Variants in ZBBX observed in about 807,000 individuals in gnomAD.
ZBBX encodes zinc finger B-box domain-containing protein 1.
In ZBBX, 101 loss-of-function variants were observed where a neutral mutation model predicts 108.5. That is an observed-to-expected ratio of 0.93 (90% confidence interval 0.79 to 1.10). The LOEUF is 1.10. Ranked by LOEUF, ZBBX falls within the 50% of genes least tolerant of loss-of-function variation. The pLI is 0.00. For synonymous variants in ZBBX, 356 were observed against 323.4 expected (o/e 1.10, Z -1.08); for missense variants, 1,009 against 941.4 (o/e 1.07, Z -0.94).
At chr3:167,203,995 T>C in the ZBBX span, among the ~76,000 whole-genome samples, 2 of 152,018 alleles carry the variant, frequency 1.3e-5, no homozygotes, top group Non-Finnish European at 1.5e-5. Context: ...TGTCAAAAGA[T>C]AAGACACTAA....
intron 18 of ZBBX, among the ~76,000 whole-genome samples, chr3:167,296,407 A>C (rs1731700289): frequency 6.6e-6 from 1 of 152,106 alleles, no homozygotes. Flanking sequence ...AAAAGAAATA[A>C]AAGACATTTG....
chr3:167,242,697 A>T, intron 20 of ZBBX, 54 bp from the exon 21 acceptor site: 1 of 1,523,276 alleles, frequency 6.6e-7, no homozygotes, highest in Non-Finnish European at 8.9e-7. Context: ...AAACAAATAT[A>T]CAGCATATGG....
intron 17 of ZBBX, among the ~76,000 whole-genome samples, chr3:167,304,909 A>T (rs1560098068): frequency 1.2e-5 from 1 of 85,192 alleles, no homozygotes; most frequent in Non-Finnish European, 3.3e-5. Flanking sequence ...TCCTCCAAGC[A>T]GAAGTAGCAG....
At chr3:167,361,313 C>T (rs2108545023) in intron 6 of ZBBX, among the ~76,000 whole-genome samples, 1 of 152,194 alleles carries the variant, frequency 6.6e-6, no homozygotes, top group Admixed American at 6.6e-5. Context: ...TAAATCATCA[C>T]TTAAAATTTT....
chr3:167,316,810 C>A (rs1353882729), intron 14 of ZBBX, among the ~76,000 whole-genome samples, 195 bp downstream of exon 14: 2 of 152,004 alleles, frequency 1.3e-5, no homozygotes, highest in East Asian at 3.8e-4. Context: ...GTTTAGCTCA[C>A]AAATTTACTG....
the ZBBX span, among the ~76,000 whole-genome samples, chr3:167,202,827 A>G: frequency 0.18 from 28,081 of 152,008 alleles, 3,033 homozygotes; most frequent in Non-Finnish European, 0.25. Flanking sequence ...CAGATTATCA[A>G]CCCAATAGCT....
At chr3:167,230,060 C>A in the ZBBX span, among the ~76,000 whole-genome samples, 1 of 151,704 alleles carries the variant, frequency 6.6e-6, no homozygotes, top group Non-Finnish European at 1.5e-5. Context: ...ATGCAGCATC[C>A]CCACTTACTG....
intron 1 of ZBBX, among the ~76,000 whole-genome samples, chr3:167,391,704 G>A (rs1003673684): frequency 2.6e-5 from 4 of 151,598 alleles, no homozygotes; most frequent in East Asian, 1.9e-4. Context: ...TGTAAATAAA[G>A]TCATCTTTCT....
At chr3:167,313,561 C>G (rs1281027307) in intron 16 of ZBBX, among the ~76,000 whole-genome samples, 2 of 152,194 alleles carry the variant, frequency 1.3e-5, no homozygotes, top group Non-Finnish European at 2.9e-5. Context: ...GGATTACAAG[C>G]TTGAGCCACC....
intron 17 of ZBBX, among the ~76,000 whole-genome samples, chr3:167,301,849 C>T (rs533830315): frequency 8.7e-5 from 13 of 149,486 alleles, no homozygotes; most frequent in South Asian, 6.4e-4. Flanking sequence ...CCCAGCTACA[C>T]GGGAGGCTGA....
intron 1 of ZBBX, among the ~76,000 whole-genome samples, chr3:167,407,497 C>T (rs1748623486): frequency 6.6e-6 from 1 of 152,040 alleles, no homozygotes; most frequent in African/African-American, 2.4e-5. Flanking sequence ...TTTTGACTCC[C>T]CCAAAACTTA....
At chr3:167,182,030 T>G in the ZBBX span, among the ~76,000 whole-genome samples, 1 of 152,222 alleles carries the variant, frequency 6.6e-6, no homozygotes, top group Admixed American at 6.5e-5. Flanking sequence ...AGAGTGACAC[T>G]GATTAGCCCA....
intron 16 of ZBBX, 67 bp from the exon 17 acceptor site, chr3:167,306,017 A>T (rs1000959313): frequency 1.6e-6 from 2 of 1,285,344 alleles, no homozygotes; most frequent in Non-Finnish European, 2.1e-6. Flanking sequence ...ACTGTTAATA[A>T]ACCAAAAGTT....
chr3:167,224,692 T>A, the ZBBX span, among the ~76,000 whole-genome samples: 1 of 151,964 alleles, frequency 6.6e-6, no homozygotes, highest in Non-Finnish European at 1.5e-5. Flanking sequence ...CTGGCAAAAG[T>A]ATATTTGGAA....
chr3:167,275,840 A>T (rs958010348), intron 20 of ZBBX, among the ~76,000 whole-genome samples: 2 of 152,222 alleles, frequency 1.3e-5, no homozygotes, highest in Non-Finnish European at 2.9e-5. Context: ...ACAGACAAAC[A>T]AAAAGACAGC....
At chr3:167,406,322 G>A (rs146550993) in intron 1 of ZBBX, among the ~76,000 whole-genome samples, 53 of 152,294 alleles carry the variant, frequency 3.5e-4, no homozygotes, top group African/African-American at 1.1e-3. Flanking sequence ...TTGGCACAGC[G>A]TTCTTAGTAA....
intron 12 of ZBBX, among the ~76,000 whole-genome samples, chr3:167,321,227 G>T (rs2108318363): frequency 6.6e-6 from 1 of 152,082 alleles, no homozygotes; most frequent in East Asian, 1.9e-4. Flanking sequence ...ACAGTTGAAG[G>T]TGAGTGGTGG....
At chr3:167,307,582 AC>A (rs1007936260) in intron 16 of ZBBX, among the ~76,000 whole-genome samples, 46 of 152,302 alleles carry the variant, frequency 3.0e-4, no homozygotes, top group African/African-American at 1.1e-3. Context: ...CTGAAGAGTT[AC>A]CAAAATAGCA....
At position 167,368,583 on chromosome 3, in the gene ZBBX, A is replaced by C; in HGVS notation, c.69-9T>G. ...GCAGTTCTTGAGCATTTCTGAAGAC[A>C]TAAGATTTAAATGGAGAAAGCAGAA... On this transcript the variant is annotated splice_polypyrimidine_tract_variant and intron_variant, in intron 4 of 21. Transcript: ENST00000675490. The C allele has an allele frequency of 1.3e-6, 2 of 1,576,484 alleles. No homozygotes were observed. Among genetic ancestry groups the C allele is most frequent in the Non-Finnish European group, 8.6e-7 (1 of 1,162,716 alleles).
Sources: allele counts gnomAD v4.1 joint callset (sites outside exome capture counted in the v4.1 genomes callset), GRCh38; gene constraint gnomAD v4.1.1; transcripts MANE v1.5; gene names NCBI Gene and HGNC (gene_info 2026-07-23, HGNC 2026-07-21).